DNAH7: variants seen among roughly 807,000 people sequenced by gnomAD.
DNAH7 encodes axonemal beta dynein heavy chain 7.
DNAH7 carries 397 observed loss-of-function variants against 444.6 expected under a neutral mutation model. That is an observed-to-expected ratio of 0.89 (90% CI 0.82 to 0.97). DNAH7 has a LOEUF of 0.97. Among genes scored for constraint, DNAH7 ranks in the 50% least tolerant of loss-of-function variants. DNAH7 has a pLI of 0.00. For synonymous variants in DNAH7, 1,636 were observed against 1,624.4 expected, an observed-to-expected ratio of 1.01 and a Z score of -0.17; for missense variants, 4,902 against 4,800.8, an observed-to-expected ratio of 1.02 and a Z score of -0.62.
chr2:195,797,542 A>C (rs547350089), intron 55 of DNAH7, among the ~76,000 whole-genome samples: 13 of 152,310 alleles, frequency 8.5e-5, no homozygotes, highest in African/African-American at 3.1e-4. Flanking sequence ...AGAGATATAA[A>C]AGCAACTAGG....
intron 27 of DNAH7, 125 bp from the exon 28 acceptor site, chr2:195,900,619 G>A (rs950014551): frequency 3.6e-6 from 3 of 845,024 alleles, no homozygotes; most frequent in Non-Finnish European, 5.5e-6. Flanking sequence ...TAGAAGTAGA[G>A]AGTAAAATAG....
At chr2:195,872,182 T>C in intron 40 of DNAH7, 68 bp downstream of exon 40, 2 of 1,229,984 alleles carry the variant, frequency 1.6e-6, no homozygotes, top group Non-Finnish European at 2.4e-6. Flanking sequence ...ATATTCTTTT[T>C]ACCCAGTTGT....
At chr2:195,826,009 G>A (rs763534846) in intron 48 of DNAH7, among the ~76,000 whole-genome samples, 31 of 152,098 alleles carry the variant, frequency 2.0e-4, no homozygotes, top group Non-Finnish European at 3.2e-4. Context: ...ATTTTTCATG[G>A]TTAAATAATA....
intron 58 of DNAH7, among the ~76,000 whole-genome samples, chr2:195,784,626 G>A (rs780171032): frequency 7.2e-5 from 11 of 152,184 alleles, no homozygotes; most frequent in Non-Finnish European, 1.6e-4. Context: ...GAGCATGATT[G>A]CTGGATCATA....
rs771505780 is a variant in DNAH7, at chr2:195,957,362, T to A, written c.2977A>T (p.Ile993Phe). The A allele has an allele frequency of 1.6e-5, 26 of 1,607,644 alleles. No individual in the cohort carries two copies. The highest frequency in any genetic ancestry group is 2.2e-5 in the Non-Finnish European group (26 of 1,175,756). Residue 993 changes from isoleucine to phenylalanine, a missense_variant, in exon 19 of 65, where the codon ATT (isoleucine) becomes TTT (phenylalanine). Ile to Phe is a conservative substitution (Grantham distance 21, BLOSUM62 0). Transcript: ENST00000312428. ...GACATAATGTCTGGAGAGCTGAAAA[T>A]GGGCTCCAGATACAGCCACGTGGCT... is the stretch of plus-strand genomic sequence containing the variant. ...VQATWLYLEP[I>F]FSSPDIMSQM...
intron 61 of DNAH7, 109 bp downstream of exon 61, chr2:195,771,551 A>G (rs190115227): frequency 1.2e-5 from 10 of 806,714 alleles, no homozygotes; most frequent in Non-Finnish European, 2.0e-5. Flanking sequence ...ATTTATCCCC[A>G]GAACCCAAAA....
intron 10 of DNAH7, among the ~76,000 whole-genome samples, chr2:196,009,264 C>CTAA (rs1388766104): frequency 6.6e-6 from 1 of 152,088 alleles, no homozygotes; most frequent in Non-Finnish European, 1.5e-5. Flanking sequence ...TGTTCTGGAA[C>CTAA]TAATGGTAAT....
chr2:195,897,662 C>T lies in DNAH7; in HGVS notation c.4647+5G>A, dbSNP rs757193051. On this transcript the variant is annotated splice_donor_5th_base_variant and intron_variant, in intron 29 of 64. Coordinates refer to ENST00000312428, the MANE Select transcript of DNAH7 (RefSeq NM_018897.3). Reference sequence around the variant, plus strand: ...TTGATGCATTGGGATAATGAATGTTCTTACCTCAAAGAGTGGTAAATCATG... The same window carrying T: ...TTGATGCATTGGGATAATGAATGTTTTTACCTCAAAGAGTGGTAAATCATG... The T allele has an allele frequency of 2.0e-6, 3 of 1,530,172 alleles. No individual in the cohort carries two copies. The African/African-American group carries it at 4.1e-5, about 21-fold the overall frequency. The allele number at this position is 1,530,172 out of a possible 1,614,324, so 94.8% of individuals were successfully genotyped here.
chr2:196,065,542 T>C (rs1296479825), intron 1 of DNAH7, among the ~76,000 whole-genome samples: 1 of 152,180 alleles, frequency 6.6e-6, no homozygotes, highest in Non-Finnish European at 1.5e-5. Flanking sequence ...CAGATGGACA[T>C]CATCTGTGCC....
At chr2:195,954,136 C>A (rs545095423) in intron 19 of DNAH7, among the ~76,000 whole-genome samples, 3 of 152,280 alleles carry the variant, frequency 2.0e-5, no homozygotes, top group African/African-American at 7.2e-5. Context: ...ATTAACTCGT[C>A]ATTTAACATT....
chr2:195,775,381 G>C (rs1695015262), intron 60 of DNAH7, among the ~76,000 whole-genome samples: 1 of 152,170 alleles, frequency 6.6e-6, no homozygotes, highest in African/African-American at 2.4e-5. Context: ...GAGTGTGAAT[G>C]AAACTGTGTC....
At chr2:195,965,562 G>A (rs1216463293) in intron 17 of DNAH7, among the ~76,000 whole-genome samples, 1 of 151,958 alleles carries the variant, frequency 6.6e-6, no homozygotes, top group African/African-American at 2.4e-5. Flanking sequence ...TGTAAATGTT[G>A]GCTAGAATTT....
intron 35 of DNAH7, among the ~76,000 whole-genome samples, chr2:195,882,328 G>A (rs1388699366): frequency 6.6e-6 from 1 of 152,156 alleles, no homozygotes; most frequent in Non-Finnish European, 1.5e-5. Context: ...AGGCTAAAGA[G>A]TAAAGAACTT....
At chr2:195,831,644 T>C (rs1219888827) in intron 48 of DNAH7, among the ~76,000 whole-genome samples, 1 of 152,248 alleles carries the variant, frequency 6.6e-6, no homozygotes, top group Non-Finnish European at 1.5e-5. Context: ...TAGAAAGCAT[T>C]GTAAATAATC....
intron 5 of DNAH7, among the ~76,000 whole-genome samples, chr2:196,043,177 ACATT>A (rs552843217): frequency 2.7e-3 from 416 of 152,228 alleles, no homozygotes; most frequent in Non-Finnish European, 5.3e-3. Flanking sequence ...ACTACGTTTT[ACATT>A]TAACATAGAT....
At chr2:195,867,977 T>C (rs1254031142) in intron 40 of DNAH7, among the ~76,000 whole-genome samples, 1 of 152,122 alleles carries the variant, frequency 6.6e-6, no homozygotes, top group African/African-American at 2.4e-5. Flanking sequence ...GGTAACCCTA[T>C]GTTTTAACCT....
intron 47 of DNAH7, among the ~76,000 whole-genome samples, chr2:195,836,009 A>G (rs1698352906): frequency 6.6e-6 from 1 of 152,262 alleles, no homozygotes; most frequent in African/African-American, 2.4e-5. Context: ...ACAGTTCTGG[A>G]CCCTGAAAGT....
Position 195,857,568 on chromosome 2 carries a change from T to C in DNAH7, c.8223A>G (p.Arg2741=). 6.2e-7 allele frequency: 1 copy of C among 1,613,988 alleles called. No homozygotes were observed. Among genetic ancestry groups the C allele is most frequent in the Admixed American group, 1.7e-5 (1 of 59,998 alleles). ...KIEDFWGPAK[R]LLGDMRFLQS... is the part of the protein sequence containing the mutation. ...GCAGAAACCTCATGTCACCAAGAAG[T>C]CTCTTAGCTGGGCCCCAGAAATCCT... The change falls in exon 44 of 65, where the codon AGA becomes AGG. Residue 2741 remains arginine (R), a synonymous_variant. Coordinates refer to ENST00000312428, the MANE Select transcript of DNAH7 (RefSeq NM_018897.3).
chr2:195,806,839 T>A lies in DNAH7; in HGVS notation c.10084-7A>T. 6.2e-7 allele frequency: 1 copy of A among 1,607,854 alleles called. No homozygotes were observed. The highest frequency in any genetic ancestry group is 8.5e-7 in the Non-Finnish European group (1 of 1,175,386). On this transcript the variant is annotated splice_region_variant and splice_polypyrimidine_tract_variant and intron_variant, in intron 53 of 64. Coordinates refer to ENST00000312428, the MANE Select transcript of DNAH7 (RefSeq NM_018897.3). The stretch of plus-strand genomic sequence containing the variant: ...AAACCTCATGGTGTGGTTCCTAAAA[T>A]TACAGTGTAAATAATTCAGTTATTT...
Sources: allele counts gnomAD v4.1 joint callset (sites outside exome capture counted in the v4.1 genomes callset), GRCh38; gene constraint gnomAD v4.1.1; transcripts MANE v1.5; gene names NCBI Gene and HGNC (gene_info 2026-07-23, HGNC 2026-07-21).